Variants in UBASH3B observed in about 807,000 individuals in gnomAD.
UBASH3B encodes the protein ubiquitin associated and SH3 domain containing B.
A neutral mutation model predicts 83.4 loss-of-function variants in UBASH3B; 37 were observed. The observed-to-expected ratio is 0.44, with a 90% CI of 0.34 to 0.58. UBASH3B has a LOEUF of 0.58. Among genes scored for constraint, UBASH3B ranks in the 20% least tolerant of loss-of-function variants. The pLI is 0.01. For synonymous variants in UBASH3B, 304 were observed against 318.3 expected (o/e 0.96, Z 0.48); for missense variants, 657 against 827.2 (o/e 0.79, Z 2.52).
At chr11:122,781,942 T>C (rs1860863126) in intron 4 of UBASH3B, among the ~76,000 whole-genome samples, 2 of 152,242 alleles carry the variant, frequency 1.3e-5, no homozygotes, top group Admixed American at 1.3e-4. Flanking sequence ...ACCGAAATGC[T>C]CAATTTCTAG....
At chr11:122,755,238 G>A (rs777684433) in intron 1 of UBASH3B, among the ~76,000 whole-genome samples, 2 of 152,074 alleles carry the variant, frequency 1.3e-5, no homozygotes, top group African/African-American at 2.4e-5. Context: ...GTCACCAGGA[G>A]TTCAGTTTAA....
Position 122,798,406 on chromosome 11 carries a change from G to A in UBASH3B, c.1358-536G>A, listed in dbSNP as rs181755883. ...CCTTTACCACTTGTTAGCACCAGAG[G>A]GAAGGGAAAGAAAAGACAAGAAGGG... is the stretch of plus-strand genomic sequence containing the variant. On this transcript the variant is annotated intron_variant, in intron 9 of 13. Coordinates refer to ENST00000284273, the MANE Select transcript of UBASH3B (RefSeq NM_032873.5). Among the ~76,000 whole-genome samples the A allele has an allele frequency of 7.9e-5, 12 of 152,206 alleles. No homozygotes were observed. The East Asian group carries it at 2.3e-3, about 30-fold the overall frequency.
At position 122,810,804 on chromosome 11, in the gene UBASH3B, G is replaced by A. The variant is rs1289356728; in HGVS notation, c.*918G>A. 1.3e-5 allele frequency: 2 copies of A among 152,154 alleles called. No homozygotes were observed. The highest frequency in any genetic ancestry group is 2.9e-5 in the Non-Finnish European group (2 of 68,034). The allele number at this position is 152,154 out of a possible 1,614,324, so 9.4% of individuals were successfully genotyped here. A position where few individuals can be genotyped will look rare whatever the true frequency, so the allele number is the denominator to read the frequency against. ...TAAGGATGTTACATTTTGAAAGGAT[G>A]TATGTTAGATATATTATTTGCAGCA... On this transcript the variant is annotated 3_prime_UTR_variant, in exon 14 of 14. Coordinates refer to ENST00000284273, the MANE Select transcript of UBASH3B (RefSeq NM_032873.5).
At chr11:122,733,487 C>T (rs971258923) in intron 1 of UBASH3B, among the ~76,000 whole-genome samples, 7 of 152,184 alleles carry the variant, frequency 4.6e-5, no homozygotes, top group Middle Eastern at 3.2e-3. Flanking sequence ...AAGTGCCTCG[C>T]GCCAAAGCAT....
intron 1 of UBASH3B, among the ~76,000 whole-genome samples, chr11:122,666,888 T>C (rs1400427479): frequency 6.6e-6 from 1 of 151,786 alleles, no homozygotes; most frequent in East Asian, 1.9e-4. Flanking sequence ...ACTCTCCTCA[T>C]CTCTTCTGCC....
At position 122,809,968 on chromosome 11, in the gene UBASH3B, C is replaced by T. The variant is rs1861411579; in HGVS notation, c.*82C>T. The T allele has an allele frequency of 2.0e-6, 3 of 1,497,224 alleles. No individual in the cohort carries two copies. Among genetic ancestry groups the T allele is most frequent in the Non-Finnish European group, 2.7e-6 (3 of 1,097,918 alleles). 92.7% of individuals were successfully genotyped at this position (1,497,224 alleles called of 1,614,324 possible). The stretch of plus-strand genomic sequence containing the variant: ...AAAAACAGTGGGAAAATCCACACCA[C>T]ACTCTAAGTGGACAGCTCAGAATAA... On this transcript the variant is annotated 3_prime_UTR_variant, in exon 14 of 14. Coordinates refer to ENST00000284273, the MANE Select transcript of UBASH3B (RefSeq NM_032873.5).
intron 1 of UBASH3B, among the ~76,000 whole-genome samples, chr11:122,723,422 T>G (rs1860677181): frequency 6.6e-6 from 1 of 152,232 alleles, no homozygotes; most frequent in Non-Finnish European, 1.5e-5. Context: ...CCACGTGATC[T>G]CCCTTGGAGA....
Position 122,777,105 on chromosome 11 carries a change from C to T in UBASH3B, c.297C>T (p.Pro99=), listed in dbSNP as rs1860750442. Residue 99 remains proline (P), a synonymous_variant, in exon 3 of 14, where the codon CCC becomes CCT. Coordinates refer to ENST00000284273, the MANE Select transcript of UBASH3B (RefSeq NM_032873.5). ...EYVLYLRPTG[P]LAQKLSDFWQ... ...TCCTCTACCTCCGTCCCACCGGCCCCTTAGCACAGAAGCTTTCCGACTTTT... is the reference window on the plus strand; with the variant it reads ...TCCTCTACCTCCGTCCCACCGGCCCTTTAGCACAGAAGCTTTCCGACTTTT... 1 of 1,614,044 alleles carries T rather than the reference C, an allele frequency of 6.2e-7. No individual in the cohort carries two copies.
intron 1 of UBASH3B, among the ~76,000 whole-genome samples, chr11:122,718,381 C>T (rs951840567): frequency 2.0e-5 from 3 of 152,210 alleles, no homozygotes; most frequent in African/African-American, 7.2e-5. Context: ...CAGTGCATGG[C>T]ATTGGGTACT....
At chr11:122,743,561 T>G (rs1375168623) in intron 1 of UBASH3B, among the ~76,000 whole-genome samples, 3 of 152,188 alleles carry the variant, frequency 2.0e-5, no homozygotes. Context: ...GCCTTCAGCT[T>G]CCTCATCTGT....
chr11:122,664,902 C>T (rs1431584301), intron 1 of UBASH3B, among the ~76,000 whole-genome samples: 2 of 152,214 alleles, frequency 1.3e-5, no homozygotes, highest in Non-Finnish European at 1.5e-5. Flanking sequence ...CAGTGACCCT[C>T]GGAGGGCAGG....
chr11:122,750,839 G>A (rs1861188231), intron 1 of UBASH3B, among the ~76,000 whole-genome samples: 2 of 152,216 alleles, frequency 1.3e-5, no homozygotes, highest in South Asian at 4.1e-4. Flanking sequence ...AGACGCAAAT[G>A]CTTGCCCCTC....
chr11:122,670,248 G>T (rs774632138), intron 1 of UBASH3B, among the ~76,000 whole-genome samples: 1 of 152,026 alleles, frequency 6.6e-6, no homozygotes, highest in Admixed American at 6.6e-5. Flanking sequence ...ATGGGGACAG[G>T]ATTGTACTTA....
chr11:122,667,342 A>G (rs1373572689), intron 1 of UBASH3B, among the ~76,000 whole-genome samples: 4 of 152,104 alleles, frequency 2.6e-5, no homozygotes, highest in African/African-American at 9.7e-5. Flanking sequence ...CGCCGCGCCC[A>G]GTCCATTCTT....
intron 6 of UBASH3B, 99 bp downstream of exon 6, chr11:122,789,407 G>A: frequency 7.5e-7 from 1 of 1,330,764 alleles, no homozygotes; most frequent in Non-Finnish European, 1.1e-6. Context: ...TCCATGGGAA[G>A]AAGGCCCTGT....
intron 1 of UBASH3B, among the ~76,000 whole-genome samples, chr11:122,691,265 T>G (rs2135919836): frequency 6.6e-6 from 1 of 152,332 alleles, no homozygotes; most frequent in South Asian, 2.1e-4. Context: ...AGGAAGGAGC[T>G]TTTACAAGGT....
At chr11:122,690,167 C>CATATATATATATATAT (rs57203901) in intron 1 of UBASH3B, among the ~76,000 whole-genome samples, 5 of 43,570 alleles carry the variant, frequency 1.1e-4, no homozygotes, top group Admixed American at 4.1e-4. Context: ...GGCAGGAAAA[C>CATATATATATATATAT]ATATATATAT....
chr11:122,657,448 C>T (rs1004576168), intron 1 of UBASH3B, among the ~76,000 whole-genome samples: 1 of 151,966 alleles, frequency 6.6e-6, no homozygotes, highest in Admixed American at 6.6e-5. Flanking sequence ...GCCACCACAC[C>T]GGGCTAATTT....
chr11:122,812,206 G>A lies in UBASH3B; in HGVS notation c.*2320G>A, dbSNP rs1291432897. 1 of 152,096 alleles carries A rather than the reference G, an allele frequency of 6.6e-6. No homozygotes were observed. Among genetic ancestry groups the A allele is most frequent in the East Asian group, 1.9e-4 (1 of 5,202 alleles). 9.4% of individuals were successfully genotyped at this position (152,096 alleles called of 1,614,324 possible). On this transcript the variant is annotated 3_prime_UTR_variant, in exon 14 of 14. Coordinates refer to ENST00000284273, the MANE Select transcript of UBASH3B (RefSeq NM_032873.5). ...AATAATTTTCCGAATAATTCAGGTG[G>A]AAAACAAGAAAGATTGTATTTCTCT...
Sources: allele counts gnomAD v4.1 joint callset (sites outside exome capture counted in the v4.1 genomes callset), GRCh38; gene constraint gnomAD v4.1.1; transcripts MANE v1.5; gene names NCBI Gene and HGNC (gene_info 2026-07-23, HGNC 2026-07-21).